SPMIP8: variants seen among roughly 807,000 people sequenced by gnomAD.
SPMIP8 encodes the protein sperm microtubule inner protein 8.
At chr16:57,984,785 C>T in the SPMIP8 span, 2 of 1,608,884 alleles carry the variant, frequency 1.2e-6, no homozygotes, top group Non-Finnish European at 1.7e-6. Context: ...CCGGGGAGTT[C>T]AAGCTGCCTT....
the SPMIP8 span, chr16:57,984,605 C>A: frequency 6.6e-7 from 1 of 1,521,550 alleles, no homozygotes; most frequent in Admixed American, 2.2e-5. Flanking sequence ...CGGCTACGGC[C>A]GCGCGGGCCT....
chr16:57,978,078 C>A, the SPMIP8 span: 19 of 1,573,356 alleles, frequency 1.2e-5, no homozygotes, highest in South Asian at 2.2e-4. Context: ...GGGGAAGGGG[C>A]AGATGGTTTC....
chr16:57,981,708 G>T, the SPMIP8 span, among the ~76,000 whole-genome samples: 1 of 151,708 alleles, frequency 6.6e-6, no homozygotes, highest in Non-Finnish European at 1.5e-5. Flanking sequence ...TAGACATGGG[G>T]TTTCACCATG....
chr16:57,984,713 C>A, the SPMIP8 span: 10 of 1,600,706 alleles, frequency 6.2e-6, no homozygotes, highest in South Asian at 1.0e-4. Context: ...CAGGCATCAA[C>A]CGAGTGGACT....
chr16:57,984,687 C>G, the SPMIP8 span: 2 of 1,596,254 alleles, frequency 1.3e-6, no homozygotes, highest in Non-Finnish European at 1.7e-6. Context: ...CGAGGGAAAG[C>G]TGGCGCCCAT....
chr16:57,977,806 G>A, the SPMIP8 span: 2 of 1,608,980 alleles, frequency 1.2e-6, no homozygotes, highest in Non-Finnish European at 1.7e-6. Context: ...AGAACCCTCT[G>A]CCCCCCAGCT....
chr16:57,987,748 G>C, the SPMIP8 span: 2 of 312,756 alleles, frequency 6.4e-6, no homozygotes, highest in African/African-American at 4.3e-5. Context: ...GGTCCAGCCA[G>C]AATTGAGATC....
the SPMIP8 span, among the ~76,000 whole-genome samples, chr16:57,981,906 G>T: frequency 6.6e-6 from 1 of 152,148 alleles, no homozygotes; most frequent in African/African-American, 2.4e-5. Flanking sequence ...TCCCATTATG[G>T]CTGGGAACTC....
At chr16:57,985,883 T>C in the SPMIP8 span, 1 of 1,600,810 alleles carries the variant, frequency 6.2e-7, no homozygotes, top group Non-Finnish European at 8.5e-7. Context: ...TCCCATCTCG[T>C]GCTCACCCGC....
At chr16:57,981,403 T>TAA in the SPMIP8 span, among the ~76,000 whole-genome samples, 56 of 142,834 alleles carry the variant, frequency 3.9e-4, no homozygotes, top group African/African-American at 1.4e-3. Flanking sequence ...ATTATTATTA[T>TAA]TATAATAATA....
the SPMIP8 span, among the ~76,000 whole-genome samples, chr16:57,981,739 A>T: frequency 6.6e-6 from 1 of 151,706 alleles, no homozygotes; most frequent in East Asian, 2.0e-4. Flanking sequence ...TGGTCTCAAA[A>T]TCCTGACCTC....
chr16:57,988,054 C>T, the SPMIP8 span: 1 of 152,304 alleles, frequency 6.6e-6, no homozygotes, highest in African/African-American at 2.4e-5. Flanking sequence ...CATGAAGCCA[C>T]TCAGAGAAGA....
At chr16:57,983,531 A>C in the SPMIP8 span, among the ~76,000 whole-genome samples, 1 of 152,118 alleles carries the variant, frequency 6.6e-6, no homozygotes, top group African/African-American at 2.4e-5. Context: ...TTCACTTTTT[A>C]CATTGGAATC....
At chr16:57,985,506 C>G in the SPMIP8 span, 1 of 1,613,272 alleles carries the variant, frequency 6.2e-7, no homozygotes, top group Admixed American at 1.7e-5. Context: ...GAACCCCAGC[C>G]TGGACCGCTA....
the SPMIP8 span, chr16:57,985,564 C>T: frequency 1.3e-6 from 2 of 1,579,882 alleles, no homozygotes; most frequent in South Asian, 1.2e-5. Flanking sequence ...ACGCCACGCG[C>T]CCGGGGACCC....
At chr16:57,978,377 T>C in the SPMIP8 span, among the ~76,000 whole-genome samples, 1 of 151,910 alleles carries the variant, frequency 6.6e-6, no homozygotes, top group Non-Finnish European at 1.5e-5. Flanking sequence ...CCATCTCTAC[T>C]AAAAATACAA....
At chr16:57,977,266 C>T in the SPMIP8 span, among the ~76,000 whole-genome samples, 698 of 151,960 alleles carry the variant, frequency 4.6e-3, 7 homozygotes, top group Middle Eastern at 0.017. Flanking sequence ...AAAAACTAGT[C>T]ACATGTGGTG....
At chr16:57,986,758 T>C in the SPMIP8 span, 1 of 152,208 alleles carries the variant, frequency 6.6e-6, no homozygotes, top group Non-Finnish European at 1.5e-5. Flanking sequence ...CAAGCTTGGC[T>C]AATTTTTGTA....
chr16:57,978,190 C>T, the SPMIP8 span: 1 of 835,192 alleles, frequency 1.2e-6, no homozygotes, highest in South Asian at 1.8e-5. Flanking sequence ...GTTTACTGCT[C>T]AGTACAATGA....
Sources: allele counts gnomAD v4.1 joint callset (sites outside exome capture counted in the v4.1 genomes callset), GRCh38; gene constraint gnomAD v4.1.1; transcripts MANE v1.5; gene names NCBI Gene and HGNC (gene_info 2026-07-23, HGNC 2026-07-21).